GDA: variants seen among roughly 807,000 people sequenced by gnomAD.
GDA encodes cytoplasmic PSD-95 interactor.
GDA carries 18 observed loss-of-function variants against 59.6 expected under a neutral mutation model. That is an observed-to-expected ratio of 0.30 (90% CI 0.21 to 0.45). The LOEUF (loss-of-function observed/expected upper bound fraction) is 0.45. Among genes scored for constraint, GDA ranks in the 20% least tolerant of loss-of-function variants. The probability of loss-of-function intolerance (pLI) is 1.00; values close to 1 mark genes in which losing one functional copy is unlikely to be tolerated. For missense variants in GDA, 427 were observed against 552.3 expected (o/e 0.77, Z 2.27); for synonymous variants, 201 against 201.1 (o/e 1.00, Z 0.00).
At chr9:72,201,049 T>A (rs1370982228) in intron 2 of GDA, among the ~76,000 whole-genome samples, 1 of 152,064 alleles carries the variant, frequency 6.6e-6, no homozygotes, top group African/African-American at 2.4e-5. Context: ...GAACATTACA[T>A]CATCATCATC....
At chr9:72,241,085 G>T in intron 10 of GDA, 67 bp from the exon 11 acceptor site, 3 of 1,130,982 alleles carry the variant, frequency 2.7e-6, no homozygotes, top group Non-Finnish European at 3.8e-6. Flanking sequence ...TAAAAACAAT[G>T]TTATATATGT....
chr9:72,138,358 G>C (rs1364799732), intron 1 of GDA, among the ~76,000 whole-genome samples: 1 of 152,206 alleles, frequency 6.6e-6, no homozygotes, highest in Non-Finnish European at 1.5e-5. Context: ...ACTTAAAGTG[G>C]TGGTGTTTGT....
At chr9:72,189,482 A>G (rs906257142) in intron 1 of GDA, among the ~76,000 whole-genome samples, 1 of 151,740 alleles carries the variant, frequency 6.6e-6, no homozygotes, top group Non-Finnish European at 1.5e-5. Context: ...CTGACCTGAG[A>G]CTCTGGACTT....
At chr9:72,203,457 C>T (rs561785516) in intron 3 of GDA, among the ~76,000 whole-genome samples, 6 of 152,268 alleles carry the variant, frequency 3.9e-5, no homozygotes, top group African/African-American at 1.4e-4. Flanking sequence ...TAGTGTGTAC[C>T]AGCCATATGT....
intron 1 of GDA, among the ~76,000 whole-genome samples, chr9:72,182,541 G>A (rs1371183206): frequency 3.3e-5 from 5 of 152,170 alleles, no homozygotes; most frequent in Admixed American, 6.5e-5. Context: ...GAATTGTCCC[G>A]TTATTGGTGA....
intron 1 of GDA, among the ~76,000 whole-genome samples, chr9:72,194,640 C>T (rs113243581): frequency 6.6e-6 from 1 of 151,940 alleles, no homozygotes; most frequent in African/African-American, 2.4e-5. Context: ...AGGTTGTGTT[C>T]CCCCCCTTCC....
chr9:72,161,884 G>C (rs1489093585), intron 1 of GDA, among the ~76,000 whole-genome samples: 1 of 152,218 alleles, frequency 6.6e-6, no homozygotes, highest in African/African-American at 2.4e-5. Context: ...GCTCTTCACA[G>C]AGTAGACAAG....
intron 1 of GDA, among the ~76,000 whole-genome samples, chr9:72,135,532 C>T (rs1826188923): frequency 6.6e-6 from 1 of 152,112 alleles, no homozygotes; most frequent in Non-Finnish European, 1.5e-5. Flanking sequence ...CTTTCCTCTC[C>T]TATCTTCACC....
At chr9:72,236,093 A>C (rs1309263829) in intron 10 of GDA, among the ~76,000 whole-genome samples, 1 of 152,182 alleles carries the variant, frequency 6.6e-6, no homozygotes, top group Non-Finnish European at 1.5e-5. Context: ...TCTAATTCGA[A>C]TTCTTAGATG....
At chr9:72,131,638 C>T (rs999688670) in intron 1 of GDA, among the ~76,000 whole-genome samples, 1 of 134,816 alleles carries the variant, frequency 7.4e-6, no homozygotes, top group Non-Finnish European at 1.7e-5. Context: ...AGAAACACAC[C>T]ACGTGCACAG....
At chr9:72,188,000 T>C (rs1163190405) in intron 1 of GDA, among the ~76,000 whole-genome samples, 1 of 152,226 alleles carries the variant, frequency 6.6e-6, no homozygotes, top group East Asian at 1.9e-4. Flanking sequence ...TGAAGACATA[T>C]TTAAGCAGCA....
At chr9:72,151,007 G>A (rs1827137985) in intron 1 of GDA, among the ~76,000 whole-genome samples, 1 of 152,180 alleles carries the variant, frequency 6.6e-6, no homozygotes, top group African/African-American at 2.4e-5. Flanking sequence ...TTAATCACAA[G>A]AAGCTGTTCA....
intron 1 of GDA, among the ~76,000 whole-genome samples, chr9:72,192,522 G>A (rs957367722): frequency 1.1e-4 from 17 of 150,948 alleles, no homozygotes; most frequent in African/African-American, 3.9e-4. Flanking sequence ...GAGCCACTGT[G>A]CCTGGCCTCA....
At chr9:72,198,614 A>G (rs554129249) in intron 2 of GDA, among the ~76,000 whole-genome samples, 2 of 151,860 alleles carry the variant, frequency 1.3e-5, no homozygotes, top group Non-Finnish European at 2.9e-5. Flanking sequence ...TGTTTGTTTT[A>G]CAGCCATGCA....
intron 1 of GDA, among the ~76,000 whole-genome samples, chr9:72,183,439 T>C (rs1831497705): frequency 6.6e-6 from 1 of 152,176 alleles, no homozygotes; most frequent in Non-Finnish European, 1.5e-5. Flanking sequence ...CAGGCCCACC[T>C]GCTGGGGCTA....
chr9:72,225,657 A>G lies in GDA; in HGVS notation c.715-20A>G. ...GGTATTTTACAGAAGAAAAATGAAA[A>G]TATTATTTTTTTCTTGTAGAGCCAT... On this transcript the variant is annotated intron_variant, in intron 7 of 13. Transcript: ENST00000358399. 1.8e-6 allele frequency: 2 copies of G among 1,118,244 alleles called. No homozygotes were observed. The highest frequency in any genetic ancestry group is 1.4e-5 in the South Asian group (1 of 71,914). 69.3% of individuals were successfully genotyped at this position (1,118,244 alleles called of 1,614,324 possible). A position where few individuals can be genotyped will look rare whatever the true frequency, so the allele number is the denominator to read the frequency against.
At chr9:72,158,034 C>T (rs1020092158) in intron 1 of GDA, among the ~76,000 whole-genome samples, 2 of 152,170 alleles carry the variant, frequency 1.3e-5, no homozygotes, top group African/African-American at 4.8e-5. Flanking sequence ...TTACTTCTAT[C>T]AAAATGAAAT....
rs577165331 is a variant in GDA at position 72,177,955 on chromosome 9, G to A, written c.124-17545G>A. On this transcript the variant is annotated intron_variant, in intron 1 of 13. Coordinates refer to ENST00000358399, the MANE Select transcript of GDA (RefSeq NM_004293.5). ...TACATTTAGGTCCGATTCCCACCTC[G>A]CTACTCTGTTGTCACTTTTCACTTC... Among the ~76,000 whole-genome samples the A allele has an allele frequency of 3.9e-5, 6 of 152,228 alleles. No homozygotes were observed. The South Asian group carries it at 6.2e-4, about 16-fold the overall frequency.
chr9:72,191,647 G>T (rs972849837), intron 1 of GDA, among the ~76,000 whole-genome samples: 1 of 151,974 alleles, frequency 6.6e-6, no homozygotes, highest in Non-Finnish European at 1.5e-5. Context: ...GTGCAATGGC[G>T]CAATCTCGGC....
Sources: gnomAD v4.1 joint callset for allele counts (sites outside exome capture counted in the v4.1 genomes callset) on GRCh38, gnomAD v4.1.1 for gene constraint, MANE v1.5 for transcripts, NCBI Gene and HGNC (gene_info 2026-07-23, HGNC 2026-07-21) for gene names.